STK32B: variants seen among roughly 807,000 people sequenced by gnomAD.
The protein encoded by STK32B is serine/threonine-protein kinase 32B.
In STK32B, 43 loss-of-function variants were observed where a neutral mutation model predicts 52.6. That is an observed-to-expected ratio of 0.82 (90% CI 0.64 to 1.05). STK32B has a LOEUF of 1.05. Ranked by LOEUF, STK32B falls within the 50% of genes least tolerant of loss-of-function variation. The pLI is 0.00. For missense variants in STK32B, 621 were observed against 534.6 expected (o/e 1.16, Z -1.59); for synonymous variants, 238 against 204.3 (o/e 1.17, Z -1.41).
chr4:5,164,306 C>A (rs540693627), intron 2 of STK32B, among the ~76,000 whole-genome samples: 4 of 152,282 alleles, frequency 2.6e-5, no homozygotes, highest in African/African-American at 9.6e-5. Flanking sequence ...CTTGTAGATT[C>A]ATCACTCCAA....
chr4:5,168,250 C>T, intron 2 of STK32B, 49 bp from the exon 3 acceptor site: 5 of 1,577,076 alleles, frequency 3.2e-6, no homozygotes, highest in Admixed American at 1.7e-5. Context: ...TCCTTTGTCT[C>T]CCTTTTCGAT....
chr4:5,496,805 T>TAA (rs531765285), intron 11 of STK32B, among the ~76,000 whole-genome samples: 16 of 142,842 alleles, frequency 1.1e-4, no homozygotes, highest in African/African-American at 2.1e-4. Context: ...TTCTTTGCTT[T>TAA]AAAAAAAAAA....
chr4:5,058,854 G>A lies in STK32B; in HGVS notation c.52+6939G>A, dbSNP rs182296039. On this transcript the variant is annotated intron_variant, in intron 1 of 11. Coordinates refer to ENST00000282908, the MANE Select transcript of STK32B (RefSeq NM_018401.3). This position sits in a 1 kb window ranked among gnomAD's most constrained non-coding sequence, Gnocchi z 4.8. ...CAACCTCTGCCTCCCAGGTTCAAGC[G>A]ATTCTCATGCCTCAGCCTCCCCAGT... 3.2e-3 allele frequency among the ~76,000 whole-genome samples: 492 copies of A among 152,150 alleles called. 1 individual carries two copies. The highest frequency in any genetic ancestry group is 0.02 in the East Asian group (101 of 5,160).
At chr4:5,338,966 G>A (rs1386427452) in intron 4 of STK32B, among the ~76,000 whole-genome samples, 1 of 152,212 alleles carries the variant, frequency 6.6e-6, no homozygotes, top group Non-Finnish European at 1.5e-5. Context: ...TAAGTGAACT[G>A]CATGAAGCAG....
chr4:5,113,507 T>G (rs1714522477), intron 1 of STK32B, among the ~76,000 whole-genome samples: 1 of 152,216 alleles, frequency 6.6e-6, no homozygotes, highest in African/African-American at 2.4e-5. Context: ...TGTTATAAGC[T>G]ATTAAGGTTT....
intron 8 of STK32B, among the ~76,000 whole-genome samples, chr4:5,457,317 G>A (rs1310332628): frequency 1.4e-5 from 2 of 146,074 alleles, no homozygotes; most frequent in Non-Finnish European, 3.0e-5. Context: ...CCGGGTTCAC[G>A]CCATTTTCCT....
intron 4 of STK32B, among the ~76,000 whole-genome samples, chr4:5,357,007 G>GTATATA (rs140670209): frequency 7.1e-6 from 1 of 140,160 alleles, no homozygotes; most frequent in Non-Finnish European, 1.5e-5. Context: ...TCTCATATGT[G>GTATATA]TATATATATA....
In STK32B at chr4:5,081,365, CT is replaced by C. The variant is rs574806576; in HGVS notation, c.52+29452del. Among the ~76,000 whole-genome samples the C allele has an allele frequency of 2.0e-3, 298 of 152,228 alleles. 1 individual carries two copies. Among genetic ancestry groups the C allele is most frequent in the African/African-American group, 7.0e-3 (289 of 41,556 alleles). ...GTAAAATCTTGTCTGGGTTCAACTA[CT>C]TGAAACCTTTAAGCTTCATGTATCT... On this transcript the variant is annotated intron_variant, in intron 1 of 11. Coordinates refer to ENST00000282908, the MANE Select transcript of STK32B (RefSeq NM_018401.3).
intron 6 of STK32B, chr4:5,437,963 T>A (rs2369706): frequency 4.1e-6 from 4 of 985,370 alleles, no homozygotes; most frequent in Non-Finnish European, 2.4e-6. Context: ...GAATGTCACC[T>A]TCTCTAGGAC....
chr4:5,472,274 G>A lies in STK32B; in HGVS notation c.1106+4204G>A, dbSNP rs143761525. The stretch of plus-strand genomic sequence containing the variant: ...ATTACCAAACAGTGCGGTGTGTGCC[G>A]TGAATCAGACACACAGGGGCCACTG... On this transcript the variant is annotated intron_variant, in intron 11 of 11. Coordinates refer to ENST00000282908, the MANE Select transcript of STK32B (RefSeq NM_018401.3). 6.1e-3 allele frequency among the ~76,000 whole-genome samples: 924 copies of A among 152,354 alleles called. 12 individuals are homozygous for A. The highest frequency in any genetic ancestry group is 0.021 in the African/African-American group (883 of 41,582).
chr4:5,378,744 G>T lies in STK32B; in HGVS notation c.435-19463G>T, dbSNP rs1220927661. On this transcript the variant is annotated intron_variant, in intron 4 of 11. Coordinates refer to ENST00000282908, the MANE Select transcript of STK32B (RefSeq NM_018401.3). This position sits in a 1 kb window ranked among gnomAD's most constrained non-coding sequence, Gnocchi z 4.4. ...TTAGTCAGCACACCTGCTGCTGGTT[G>T]GTGGAAATGTCTTTGAGAAACGCTG... Among the ~76,000 whole-genome samples the T allele has an allele frequency of 1.3e-5, 2 of 152,142 alleles. No homozygotes were observed. Among genetic ancestry groups the T allele is most frequent in the Non-Finnish European group, 2.9e-5 (2 of 68,020 alleles).
intron 6 of STK32B, among the ~76,000 whole-genome samples, chr4:5,428,090 T>C (rs1041984361): frequency 1.4e-4 from 22 of 152,114 alleles, no homozygotes; most frequent in African/African-American, 5.3e-4. Context: ...TTAGATATAT[T>C]GTGCTTTTAA....
intron 2 of STK32B, among the ~76,000 whole-genome samples, chr4:5,160,185 C>T (rs992796376): frequency 1.3e-5 from 2 of 152,198 alleles, no homozygotes; most frequent in African/African-American, 4.8e-5. Flanking sequence ...ACCATGAGCC[C>T]GTTCCTGAGG....
At chr4:5,375,656 C>T (rs990919940) in intron 4 of STK32B, among the ~76,000 whole-genome samples, 7 of 152,206 alleles carry the variant, frequency 4.6e-5, no homozygotes, top group Non-Finnish European at 7.3e-5. Context: ...TGTGAAGTTT[C>T]CTCTTTGCTG....
intron 6 of STK32B, chr4:5,436,719 A>G: frequency 1.0e-6 from 1 of 965,172 alleles, no homozygotes; most frequent in Non-Finnish European, 1.2e-6. Flanking sequence ...TCACTGTGAC[A>G]GTCATGGGAA....
chr4:5,297,460 G>A (rs1438103268), intron 3 of STK32B, among the ~76,000 whole-genome samples: 1 of 151,640 alleles, frequency 6.6e-6, no homozygotes, highest in African/African-American at 2.4e-5. Context: ...ATATTTCTTG[G>A]TGGCTTTTCA....
intron 4 of STK32B, among the ~76,000 whole-genome samples, chr4:5,367,438 C>T (rs958514797): frequency 6.6e-5 from 10 of 152,258 alleles, no homozygotes; most frequent in Middle Eastern, 3.4e-3. Flanking sequence ...AACACTCTTT[C>T]GAGACTGCAG....
intron 2 of STK32B, among the ~76,000 whole-genome samples, chr4:5,159,544 TATATATGA>T (rs1718172001): frequency 1.1e-5 from 1 of 88,654 alleles, no homozygotes; most frequent in African/African-American, 5.7e-5. Context: ...TATATATGTA[TATATATGA>T]ATATATATGA....
At position 5,409,652 on chromosome 4, in the gene STK32B, G is replaced by C. The variant is rs74859862; in HGVS notation, c.473-7193G>C. Among the ~76,000 whole-genome samples the C allele has an allele frequency of 5.1e-3, 782 of 152,224 alleles. 12 individuals carry two copies. The highest frequency in any genetic ancestry group is 0.017 in the African/African-American group (691 of 41,496). ...GCCTGGCAGGCTTTATGGAATCACA[G>C]GGCATGGGGGCACCAGAATTAGCTG... On this transcript the variant is annotated intron_variant, in intron 5 of 11. Transcript: ENST00000282908.
Sources: gnomAD v4.1 joint callset for allele counts (sites outside exome capture counted in the v4.1 genomes callset) on GRCh38, gnomAD v4.1.1 for gene constraint, Gnocchi (gnomAD v3.1) non-coding constraint, MANE v1.5 for transcripts, NCBI Gene and HGNC (gene_info 2026-07-23, HGNC 2026-07-21) for gene names.